The following TLE3 variants were observed in gnomAD, a reference collection of about 807,000 sequenced individuals.
The protein encoded by TLE3 is transducin-like enhancer protein 3.
A neutral mutation model predicts 93.0 loss-of-function variants in TLE3; 14 were observed. The ratio of observed to expected loss-of-function variants is 0.15; its 90% CI spans 0.10 to 0.24. The LOEUF (loss-of-function observed/expected upper bound fraction) is 0.24, where lower values mean the gene tolerates loss of function less well. Among genes scored for constraint, TLE3 ranks in the 10% least tolerant of loss-of-function variants. The pLI, the probability that TLE3 is intolerant of heterozygous loss-of-function variation, is 1.00. For synonymous variants in TLE3, 451 were observed against 425.0 expected (o/e 1.06, Z -0.75); for missense variants, 693 against 1,046.6 (o/e 0.66, Z 4.66).
chr15:70,066,287 G>A, intron 6 of TLE3, 69 bp from the exon 7 acceptor site: 1 of 1,341,718 alleles, frequency 7.5e-7, no homozygotes, highest in Non-Finnish European at 9.9e-7. Flanking sequence ...ACCTCAGGAG[G>A]GAGGGAGGGA....
At chr15:70,050,766 A>AAG (rs3837730) in intron 19 of TLE3, 11,063 of 157,650 alleles carry the variant, frequency 0.07, 453 homozygotes, top group East Asian at 0.19. Flanking sequence ...GTGGAAGCGC[A>AAG]AGAGAGAGAG....
chr15:70,057,888 T>C (rs937465519), intron 12 of TLE3: 10 of 715,886 alleles, frequency 1.4e-5, no homozygotes, highest in Non-Finnish European at 2.0e-5. Flanking sequence ...CCAAATGGGC[T>C]TGCTTAGAGC....
rs1595890791 is a variant in TLE3 at position 70,060,842 on chromosome 15, C to T, written c.595-193G>A. On this transcript the variant is annotated intron_variant, in intron 8 of 19. Coordinates refer to ENST00000451782, the MANE Select transcript of TLE3 (RefSeq NM_001105192.3). Reference sequence around the variant, plus strand: ...CTTCCCCACTCCCCTGAGACTGAGTCCCCGGGGAGATGCCCTGGGCGCATC... The same window carrying T: ...CTTCCCCACTCCCCTGAGACTGAGTTCCCGGGGAGATGCCCTGGGCGCATC... The T allele has an allele frequency of 8.4e-6, 7 of 836,696 alleles. No individual in the cohort carries two copies. The East Asian group carries it at 1.9e-4, about 23-fold the overall frequency. The allele number at this position is 836,696 out of a possible 1,614,324, so 51.8% of individuals were successfully genotyped here.
chr15:70,054,938 T>C (rs1471326624), intron 15 of TLE3, 111 bp downstream of exon 15: 3 of 1,433,236 alleles, frequency 2.1e-6, no homozygotes, highest in Non-Finnish European at 9.2e-7. Context: ...TTGCCTAAAG[T>C]TGCTCAGCCA....
chr15:70,049,938 A>G lies in TLE3; in HGVS notation c.*159T>C. ...TCCAGGCCCAGGAGTCCAGACTGTG[A>G]CGGGGCACGTGCCCTCTCAGCCGGC... On this transcript the variant is annotated 3_prime_UTR_variant, in exon 20 of 20. Coordinates refer to ENST00000451782, the MANE Select transcript of TLE3 (RefSeq NM_001105192.3). 1 of 611,232 alleles carries G rather than the reference A, an allele frequency of 1.6e-6. No individual in the cohort carries two copies. Among genetic ancestry groups the G allele is most frequent in the Non-Finnish European group, 2.9e-6 (1 of 341,552 alleles). 37.9% of individuals were successfully genotyped at this position (611,232 alleles called of 1,614,324 possible). A position where few individuals can be genotyped will look rare whatever the true frequency, so the allele number is the denominator to read the frequency against.
intron 19 of TLE3, chr15:70,050,415 G>A (rs866816206): frequency 1.0e-5 from 5 of 493,394 alleles, no homozygotes; most frequent in Non-Finnish European, 1.5e-5. Context: ...TTTTCAGGTA[G>A]AGCTCCCCTC....
intron 9 of TLE3, among the ~76,000 whole-genome samples, chr15:70,059,978 C>T (rs775530816): frequency 2.0e-5 from 3 of 152,204 alleles, no homozygotes; most frequent in Non-Finnish European, 2.9e-5. Flanking sequence ...GGTGCAAGAC[C>T]GCTGAGGCCC....
chr15:70,060,963 C>T (rs1385885851), intron 8 of TLE3, among the ~76,000 whole-genome samples: 1 of 152,182 alleles, frequency 6.6e-6, no homozygotes, highest in African/African-American at 2.4e-5. Context: ...TCTGTGAGGG[C>T]GAGGGTCACC....
chr15:70,095,655 A>C lies in TLE3; in HGVS notation c.126-14T>G, dbSNP rs2058518700. On this transcript the variant is annotated splice_polypyrimidine_tract_variant and intron_variant, in intron 2 of 19. Transcript: ENST00000451782. ...TCCACTTTGAGGCTGCGAGGGCAGG[A>C]GGAGCCGGCTCAGGCGTGGCGCCTG... The C allele has an allele frequency of 6.4e-7, 1 of 1,551,162 alleles. No homozygotes were observed. Among genetic ancestry groups the C allele is most frequent in the African/African-American group, 1.4e-5 (1 of 73,054 alleles).
chr15:70,061,468 G>A (rs963452297), intron 8 of TLE3, among the ~76,000 whole-genome samples: 10 of 152,284 alleles, frequency 6.6e-5, no homozygotes, highest in African/African-American at 2.4e-4. Flanking sequence ...AAATGAGGAT[G>A]AGAAGCCTTT....
intron 4 of TLE3, among the ~76,000 whole-genome samples, chr15:70,086,983 T>C (rs978008859): frequency 6.6e-6 from 1 of 152,224 alleles, no homozygotes; most frequent in Non-Finnish European, 1.5e-5. Context: ...TTTACAACTC[T>C]TTCTACAAAC....
At chr15:70,068,210 G>A (rs1459997244) in intron 6 of TLE3, among the ~76,000 whole-genome samples, 3 of 152,028 alleles carry the variant, frequency 2.0e-5, no homozygotes, top group Non-Finnish European at 2.9e-5. Context: ...TCCTACCCTC[G>A]GAAGATTCTA....
In TLE3 at chr15:70,097,416, G is replaced by A; in HGVS notation, c.-618C>T. On this transcript the variant is annotated 5_prime_UTR_variant, in exon 1 of 20. Transcript: ENST00000451782. ...CGCGGGCGCTTCGACGCCCCCCCTC[G>A]GAGAGGAGAGCCTGCTGTTCCGTCT... The A allele has an allele frequency of 2.4e-6, 1 of 411,484 alleles. No homozygotes were observed. Among genetic ancestry groups the A allele is most frequent in the Non-Finnish European group, 4.3e-6 (1 of 233,716 alleles). The allele number at this position is 411,484 out of a possible 1,614,324, so 25.5% of individuals were successfully genotyped here.
chr15:70,092,118 G>GTCAACC (rs1188132391), intron 4 of TLE3, among the ~76,000 whole-genome samples: 1 of 152,190 alleles, frequency 6.6e-6, no homozygotes, highest in Non-Finnish European at 1.5e-5. Flanking sequence ...TAAAACACCA[G>GTCAACC]TCAACCGCTA....
Position 70,097,645 on chromosome 15 carries a change from C to G in TLE3, c.-847G>C, listed in dbSNP as rs1567070723. On this transcript the variant is annotated 5_prime_UTR_variant, in exon 1 of 20. Transcript: ENST00000451782. The stretch of plus-strand genomic sequence containing the variant: ...GCGCTCAGCGCCACCGCCGCTGCCG[C>G]GTCGGAGCGCACAGGCAGGAGAGCG... The G allele has an allele frequency of 2.5e-6, 1 of 398,138 alleles. No homozygotes were observed. The highest frequency in any genetic ancestry group is 4.4e-6 in the Non-Finnish European group (1 of 225,718). The allele number at this position is 398,138 out of a possible 1,614,324, so 24.7% of individuals were successfully genotyped here. A position where few individuals can be genotyped will look rare whatever the true frequency, so the allele number is the denominator to read the frequency against.
chr15:70,071,193 G>A (rs868772764), intron 6 of TLE3, among the ~76,000 whole-genome samples: 9 of 152,098 alleles, frequency 5.9e-5, no homozygotes, highest in Non-Finnish European at 1.0e-4. Context: ...TTCCCTCCTC[G>A]TGCTCAGGAA....
chr15:70,048,966 TA>T lies in TLE3; in HGVS notation c.*1130del, dbSNP rs1245169668. ...GCGGGAAGGGGGAGAAGGCATTTTA[TA>T]AAAGGACATCACTTCTAATTCTTTT... On this transcript the variant is annotated 3_prime_UTR_variant, in exon 20 of 20. Coordinates refer to ENST00000451782, the MANE Select transcript of TLE3 (RefSeq NM_001105192.3). 1 of 149,534 alleles carries T rather than the reference TA, an allele frequency of 6.7e-6. No individual in the cohort carries two copies. Among genetic ancestry groups the T allele is most frequent in the Admixed American group, 6.7e-5 (1 of 15,034 alleles). 9.3% of individuals were successfully genotyped at this position (149,534 alleles called of 1,614,324 possible). A position where few individuals can be genotyped will look rare whatever the true frequency, so the allele number is the denominator to read the frequency against.
At chr15:70,079,274 C>A in intron 4 of TLE3, 2 of 439,402 alleles carry the variant, frequency 4.6e-6, no homozygotes, top group Non-Finnish European at 4.5e-6. Flanking sequence ...GGCATTCAGG[C>A]TGTCTTTCCT....
intron 4 of TLE3, among the ~76,000 whole-genome samples, chr15:70,090,355 C>T (rs2058251008): frequency 6.6e-6 from 1 of 152,194 alleles, no homozygotes; most frequent in Non-Finnish European, 1.5e-5. Flanking sequence ...AAAAATTTCA[C>T]AGCTCAACTC....
Sources: allele counts gnomAD v4.1 joint callset (sites outside exome capture counted in the v4.1 genomes callset), GRCh38; gene constraint gnomAD v4.1.1; transcripts MANE v1.5; gene names NCBI Gene and HGNC (gene_info 2026-07-23, HGNC 2026-07-21).